Variants in FBXL4 observed in about 807,000 individuals in gnomAD.
FBXL4 encodes the protein F-box and leucine rich repeat protein 4, also known as F-box/LRR-repeat protein 4.
A neutral mutation model predicts 58.9 loss-of-function variants in FBXL4; 40 were observed. That is an observed-to-expected ratio of 0.68 (90% CI 0.53 to 0.88). The LOEUF is 0.88. Ranked by LOEUF, FBXL4 falls within the 40% of genes least tolerant of loss-of-function variation. FBXL4 has a pLI of 0.00. For missense variants in FBXL4, 676 were observed against 734.4 expected, an observed-to-expected ratio of 0.92 and a Z score of 0.92; for synonymous variants, 263 against 265.5, an observed-to-expected ratio of 0.99 and a Z score of 0.09.
intron 7 of FBXL4, among the ~76,000 whole-genome samples, chr6:98,885,078 C>T (rs1322393658): frequency 1.3e-5 from 2 of 152,100 alleles, no homozygotes; most frequent in Non-Finnish European, 2.9e-5. Flanking sequence ...CCATGGGGTA[C>T]CCAGATATTT....
chr6:98,893,601 A>C (rs1321164606), intron 7 of FBXL4, among the ~76,000 whole-genome samples: 4 of 152,202 alleles, frequency 2.6e-5, no homozygotes, highest in African/African-American at 9.7e-5. Flanking sequence ...TTTCAGGGAG[A>C]TACAATTCAG....
At chr6:98,943,343 C>T (rs1349270736) in intron 1 of FBXL4, among the ~76,000 whole-genome samples, 1 of 151,498 alleles carries the variant, frequency 6.6e-6, no homozygotes, top group Non-Finnish European at 1.5e-5. Context: ...GAGGCCAAGG[C>T]GGGTGGATCA....
Position 98,903,471 on chromosome 6 carries a change from C to T in FBXL4, c.1103+1955G>A, listed in dbSNP as rs190890858. ...GAAATACTACAGTAAAATATGAGAA[C>T]TTAAATTTATATATGGCTTTTTCTG... On this transcript the variant is annotated intron_variant, in intron 6 of 9. Coordinates refer to ENST00000369244, the MANE Select transcript of FBXL4 (RefSeq NM_001278716.2). Among the ~76,000 whole-genome samples the T allele has an allele frequency of 1.3e-4, 20 of 152,190 alleles. No individual in the cohort carries two copies. The East Asian group carries it at 2.7e-3, about 21-fold the overall frequency.
chr6:98,944,413 T>C (rs2128414443), intron 1 of FBXL4, among the ~76,000 whole-genome samples: 1 of 152,280 alleles, frequency 6.6e-6, no homozygotes, highest in East Asian at 1.9e-4. Flanking sequence ...GATATGATCA[T>C]GCAAGTAAAA....
intron 6 of FBXL4, among the ~76,000 whole-genome samples, chr6:98,904,119 G>C (rs1463033819): frequency 1.3e-5 from 2 of 152,166 alleles, no homozygotes; most frequent in Non-Finnish European, 1.5e-5. Flanking sequence ...TATTCAGTTA[G>C]TCTTGGTTTA....
chr6:98,908,100 CACAA>C (rs987158340), intron 5 of FBXL4, among the ~76,000 whole-genome samples: 3 of 152,074 alleles, frequency 2.0e-5, no homozygotes, highest in Non-Finnish European at 2.9e-5. Flanking sequence ...TAAAATATTA[CACAA>C]ACAAAAATCA....
At chr6:98,920,151 T>C (rs144355559) in intron 4 of FBXL4, among the ~76,000 whole-genome samples, 17 of 152,272 alleles carry the variant, frequency 1.1e-4, no homozygotes, top group African/African-American at 3.8e-4. Context: ...ATTATAAATA[T>C]AAACATAAAG....
At position 98,871,435 on chromosome 6, in the gene FBXL4, T is replaced by C. The variant is rs563495751; in HGVS notation, c.*2843A>G. ...AACGTTGAAGTGACTGAAATTAGTC[T>C]CTATGAATTATCTGTGTGGCACAAT... On this transcript the variant is annotated 3_prime_UTR_variant, in exon 10 of 10. Transcript: ENST00000369244. 335 of 152,300 alleles carry C rather than the reference T, an allele frequency of 2.2e-3. 2 individuals carry two copies. Among genetic ancestry groups the C allele is most frequent in the African/African-American group, 7.7e-3 (319 of 41,562 alleles). 9.4% of individuals were successfully genotyped at this position (152,300 alleles called of 1,614,324 possible).
At chr6:98,878,151 T>C (rs1770720828) in intron 8 of FBXL4, among the ~76,000 whole-genome samples, 1 of 152,170 alleles carries the variant, frequency 6.6e-6, no homozygotes, top group Non-Finnish European at 1.5e-5. Flanking sequence ...TAGATCACAA[T>C]CACCATGGGA....
At chr6:98,888,973 A>G (rs1366941635) in intron 7 of FBXL4, among the ~76,000 whole-genome samples, 1 of 152,254 alleles carries the variant, frequency 6.6e-6, no homozygotes, top group Non-Finnish European at 1.5e-5. Context: ...GCCACACATA[A>G]GAAGCATACG....
intron 6 of FBXL4, among the ~76,000 whole-genome samples, chr6:98,900,970 A>ACATT (rs1460032505): frequency 2.0e-5 from 3 of 152,172 alleles, no homozygotes; most frequent in African/African-American, 7.2e-5. Context: ...TACATGAAGC[A>ACATT]CATTCATTCA....
At chr6:98,912,145 G>A (rs978073215) in intron 5 of FBXL4, among the ~76,000 whole-genome samples, 3 of 152,070 alleles carry the variant, frequency 2.0e-5, no homozygotes, top group African/African-American at 4.8e-5. Context: ...AAAAAGAAAC[G>A]GACAAAGCCT....
At position 98,899,820 on chromosome 6, in the gene FBXL4, C is replaced by G. The variant is rs1248725416; in HGVS notation, c.1104-339G>C. On this transcript the variant is annotated intron_variant, in intron 6 of 9. Coordinates refer to ENST00000369244, the MANE Select transcript of FBXL4 (RefSeq NM_001278716.2). ...AAAAAACAAAAACAAAAAAAAACAG[C>G]AAAACATAACAAAACTCTAAACTCT... Among the ~76,000 whole-genome samples the G allele has an allele frequency of 3.3e-5, 5 of 152,128 alleles. No homozygotes were observed. The East Asian group carries it at 9.6e-4, about 29-fold the overall frequency.
chr6:98,937,821 C>A (rs1327426553), intron 1 of FBXL4, among the ~76,000 whole-genome samples: 1 of 152,186 alleles, frequency 6.6e-6, no homozygotes, highest in African/African-American at 2.4e-5. Flanking sequence ...GAAGTCAAAA[C>A]TGTCCAGAAT....
chr6:98,938,668 A>G (rs1773313924), intron 1 of FBXL4, among the ~76,000 whole-genome samples: 1 of 152,194 alleles, frequency 6.6e-6, no homozygotes, highest in Non-Finnish European at 1.5e-5. Flanking sequence ...CATTTGCACA[A>G]AACACCAGAG....
intron 7 of FBXL4, among the ~76,000 whole-genome samples, chr6:98,886,083 C>A (rs905616773): frequency 1.3e-5 from 2 of 152,146 alleles, no homozygotes; most frequent in Non-Finnish European, 2.9e-5. Flanking sequence ...CCTTAGAGAC[C>A]CTGAGCCAAA....
chr6:98,879,373 T>G (rs1036578529), intron 8 of FBXL4, among the ~76,000 whole-genome samples: 1 of 152,046 alleles, frequency 6.6e-6, no homozygotes, highest in Non-Finnish European at 1.5e-5. Context: ...GGGGATGAAG[T>G]GAGGAGGAAT....
intron 7 of FBXL4, among the ~76,000 whole-genome samples, chr6:98,889,825 A>T (rs1476100516): frequency 6.6e-6 from 1 of 152,208 alleles, no homozygotes; most frequent in Non-Finnish European, 1.5e-5. Flanking sequence ...TTTACTTGTT[A>T]AGAAGAAATT....
At chr6:98,900,077 C>T (rs1308340963) in intron 6 of FBXL4, among the ~76,000 whole-genome samples, 1 of 152,148 alleles carries the variant, frequency 6.6e-6, no homozygotes, top group Non-Finnish European at 1.5e-5. Flanking sequence ...TGCAGCTTTA[C>T]ATAAAATATA....
Sources: allele counts gnomAD v4.1 joint callset (sites outside exome capture counted in the v4.1 genomes callset), GRCh38; gene constraint gnomAD v4.1.1; transcripts MANE v1.5; gene names NCBI Gene and HGNC (gene_info 2026-07-23, HGNC 2026-07-21).